PALLD: variants seen among roughly 807,000 people sequenced by gnomAD.
PALLD encodes the protein palladin, cytoskeletal associated protein.
A neutral mutation model predicts 123.5 loss-of-function variants in PALLD; 61 were observed. The observed-to-expected ratio is 0.49, with a 90% confidence interval of 0.40 to 0.61. The LOEUF (loss-of-function observed/expected upper bound fraction) is 0.61. Among genes scored for constraint, PALLD ranks in the 20% least tolerant of loss-of-function variants. The pLI, the probability that PALLD is intolerant of heterozygous loss-of-function variation, is 0.00. For synonymous variants in PALLD, 465 were observed against 496.4 expected, an observed-to-expected ratio of 0.94 and a Z score of 0.84; for missense variants, 1,273 against 1,377.0, an observed-to-expected ratio of 0.92 and a Z score of 1.20.
intron 2 of PALLD, among the ~76,000 whole-genome samples, chr4:168,638,952 A>C (rs1580708550): frequency 6.6e-6 from 1 of 150,816 alleles, no homozygotes; most frequent in East Asian, 2.0e-4. Flanking sequence ...TTCCTCTCCC[A>C]CTCCACACAT....
chr4:168,752,978 A>C (rs1259810996), intron 10 of PALLD, among the ~76,000 whole-genome samples: 2 of 152,172 alleles, frequency 1.3e-5, no homozygotes, highest in Non-Finnish European at 2.9e-5. Context: ...TAGACTTGTG[A>C]CCAAAGCTTT....
intron 1 of PALLD, among the ~76,000 whole-genome samples, chr4:168,509,797 T>C (rs980478938): frequency 5.9e-5 from 9 of 152,232 alleles, no homozygotes; most frequent in Admixed American, 2.6e-4. Flanking sequence ...CTTAAGAAGA[T>C]GGGGTATGTT....
chr4:168,856,240 C>T (rs942602654), intron 10 of PALLD, among the ~76,000 whole-genome samples: 5 of 152,170 alleles, frequency 3.3e-5, no homozygotes, highest in African/African-American at 1.2e-4. Flanking sequence ...TTATCCAATC[C>T]ACCATTGATG....
chr4:168,824,809 G>A (rs899379097), intron 10 of PALLD, among the ~76,000 whole-genome samples: 12 of 142,286 alleles, frequency 8.4e-5, no homozygotes, highest in Non-Finnish European at 1.5e-4. Flanking sequence ...CTATATATCA[G>A]ATAAATTCTT....
chr4:168,661,284 A>G (rs752329987), intron 2 of PALLD, among the ~76,000 whole-genome samples: 2 of 152,148 alleles, frequency 1.3e-5, no homozygotes, highest in Non-Finnish European at 2.9e-5. Context: ...TATGTCTACA[A>G]TTGGATTTTC....
intron 17 of PALLD, among the ~76,000 whole-genome samples, chr4:168,917,898 TC>T (rs1760529339): frequency 6.6e-6 from 1 of 151,984 alleles, no homozygotes; most frequent in Non-Finnish European, 1.5e-5. Flanking sequence ...TGCTTATATA[TC>T]CGAGGAAAAT....
chr4:168,542,568 C>T (rs1216403243), intron 2 of PALLD, among the ~76,000 whole-genome samples: 1 of 150,848 alleles, frequency 6.6e-6, no homozygotes, highest in Non-Finnish European at 1.5e-5. Flanking sequence ...TCAACCACAA[C>T]CACAATCCAG....
At chr4:168,788,679 G>A (rs929575189) in intron 10 of PALLD, among the ~76,000 whole-genome samples, 6 of 152,258 alleles carry the variant, frequency 3.9e-5, no homozygotes, top group Non-Finnish European at 5.9e-5. Context: ...GTACCACTCT[G>A]GTGAGAGATG....
At chr4:168,882,056 C>T (rs753302574) in intron 10 of PALLD, among the ~76,000 whole-genome samples, 1 of 152,216 alleles carries the variant, frequency 6.6e-6, no homozygotes, top group Non-Finnish European at 1.5e-5. Context: ...GTTGTATGCT[C>T]TTAACTACCT....
chr4:168,631,640 C>A, intron 2 of PALLD: 1 of 985,548 alleles, frequency 1.0e-6, no homozygotes, highest in Non-Finnish European at 1.2e-6. Context: ...AGACCGGCGG[C>A]CTCTCACCGA....
At chr4:168,839,264 A>G (rs1345038663) in intron 10 of PALLD, among the ~76,000 whole-genome samples, 2 of 152,004 alleles carry the variant, frequency 1.3e-5, no homozygotes, top group African/African-American at 2.4e-5. Context: ...AAAATTCTTA[A>G]TTGTATACTC....
intron 9 of PALLD, among the ~76,000 whole-genome samples, chr4:168,710,391 T>A (rs1301945208): frequency 6.6e-6 from 1 of 152,192 alleles, no homozygotes; most frequent in Non-Finnish European, 1.5e-5. Context: ...TTTTAAAATA[T>A]GTTTTTGACC....
At chr4:168,579,512 T>C (rs1484931673) in intron 2 of PALLD, among the ~76,000 whole-genome samples, 2 of 152,124 alleles carry the variant, frequency 1.3e-5, no homozygotes, top group Admixed American at 6.6e-5. Context: ...AACATATATC[T>C]AGTTAGGTAA....
intron 2 of PALLD, among the ~76,000 whole-genome samples, chr4:168,564,749 A>G (rs1205200401): frequency 6.6e-6 from 1 of 152,214 alleles, no homozygotes; most frequent in Non-Finnish European, 1.5e-5. Context: ...TAATGTAATT[A>G]TTCATTTCAA....
Position 168,511,974 on chromosome 4 carries a change from C to T in PALLD, c.470C>T (p.Pro157Leu). ...TPSTNVKPKT[P>L]HQRKGGPQSQ... ...AGCACAAACGTAAAGCCCAAAACGC[C>T]ACATCAAAGAAAGGGTGGCCCCCAG... is the stretch of plus-strand genomic sequence containing the variant. The change falls in exon 2 of 22, where the codon CCA becomes CTA. Residue 157 changes from proline (P) to leucine (L), a missense_variant. By Grantham distance (98) the Pro-to-Leu change is moderately conservative. Transcript: ENST00000505667. 1 of 1,614,196 alleles carries T rather than the reference C, an allele frequency of 6.2e-7. No individual in the cohort carries two copies. The highest frequency in any genetic ancestry group is 8.5e-7 in the Non-Finnish European group (1 of 1,180,034).
intron 2 of PALLD, among the ~76,000 whole-genome samples, chr4:168,599,002 C>A (rs1474190085): frequency 6.6e-6 from 1 of 152,038 alleles, no homozygotes. Context: ...GTCTGTAATT[C>A]CTTATTATAT....
chr4:168,568,170 T>C (rs1293445476), intron 2 of PALLD, among the ~76,000 whole-genome samples: 1 of 150,406 alleles, frequency 6.6e-6, no homozygotes, highest in East Asian at 1.9e-4. Context: ...TAGTAACCAA[T>C]AAATATATAG....
rs112341711 is a variant in PALLD at position 168,572,284 on chromosome 4, A to C, written c.908+59872A>C. 1.1e-4 allele frequency among the ~76,000 whole-genome samples: 17 copies of C among 152,212 alleles called. 1 individual carries two copies. Among genetic ancestry groups the C allele is most frequent in the African/African-American group, 4.1e-4 (17 of 41,544 alleles). On this transcript the variant is annotated intron_variant, in intron 2 of 21. Coordinates refer to ENST00000505667, the MANE Select transcript of PALLD (RefSeq NM_001166108.2). ...TGTGGTCCAGGTACTCTATAAATATACCACATCCATGATCTGATTTAATCT... is the reference window on the plus strand; with the variant it reads ...TGTGGTCCAGGTACTCTATAAATATCCCACATCCATGATCTGATTTAATCT...
chr4:168,687,909 C>T (rs931350838), intron 6 of PALLD, among the ~76,000 whole-genome samples: 4 of 152,132 alleles, frequency 2.6e-5, no homozygotes, highest in African/African-American at 9.7e-5. Flanking sequence ...TCACTGGAAG[C>T]TCAGAGCCAC....
Sources: allele counts gnomAD v4.1 joint callset (sites outside exome capture counted in the v4.1 genomes callset), GRCh38; gene constraint gnomAD v4.1.1; transcripts MANE v1.5; gene names NCBI Gene and HGNC (gene_info 2026-07-23, HGNC 2026-07-21).